Variants in MATN2 observed in about 807,000 individuals in gnomAD.
MATN2 encodes matrilin-2.
Under a neutral mutation model 103.2 loss-of-function variants are expected in MATN2, and 69 were observed. The observed-to-expected ratio is 0.67, with a 90% CI of 0.55 to 0.82. The LOEUF is 0.82. Ranked by LOEUF, MATN2 falls within the 40% of genes least tolerant of loss-of-function variation. MATN2 has a pLI of 0.00. For synonymous variants in MATN2, 429 were observed against 450.2 expected (o/e 0.95, Z 0.60); for missense variants, 1,023 against 1,211.5 (o/e 0.84, Z 2.31).
At chr8:97,871,328 G>A (rs560462489) in intron 1 of MATN2, among the ~76,000 whole-genome samples, 1 of 152,336 alleles carries the variant, frequency 6.6e-6, no homozygotes, top group East Asian at 1.9e-4. Context: ...AAAAGGGGGA[G>A]AGACCGGCTT....
At position 97,888,262 on chromosome 8, in the gene MATN2, C is replaced by T. The variant is rs946341581; in HGVS notation, c.142+20C>T. On this transcript the variant is annotated intron_variant, in intron 2 of 18. Coordinates refer to ENST00000254898, the MANE Select transcript of MATN2 (RefSeq NM_002380.5). ...TTCTGGGTGAGTGGTGGTGCTCACC[C>T]CCAAAAGTGGGCAGGTGGGGGTGGT... 3.3e-6 allele frequency: 5 copies of T among 1,514,910 alleles called. No individual in the cohort carries two copies. The African/African-American group carries it at 4.2e-5, about 13-fold the overall frequency. 93.8% of individuals were successfully genotyped at this position (1,514,910 alleles called of 1,614,324 possible).
intron 1 of MATN2, among the ~76,000 whole-genome samples, chr8:97,879,392 G>A (rs1290665906): frequency 6.6e-6 from 1 of 152,230 alleles, no homozygotes; most frequent in African/African-American, 2.4e-5. Context: ...GGCCAGTCAA[G>A]GAGGGCCTTG....
At chr8:98,011,340 G>T (rs1813153431) in intron 10 of MATN2, among the ~76,000 whole-genome samples, 1 of 152,160 alleles carries the variant, frequency 6.6e-6, no homozygotes. Context: ...GGGAGTAGGG[G>T]GAGGGGACCA....
Position 97,978,904 on chromosome 8 carries a change from C to T in MATN2, c.977C>T (p.Ser326Leu). ...TCTCCAGCTGTGGACTACTGTGCCT[C>T]AGAAAACCACGGATGTGAACATGAG... ...KRCVAVDYCA[S>L]ENHGCEHECV... The change falls in exon 6 of 19, where the codon TCA (serine) becomes TTA (leucine). Residue 326 changes from serine (S) to leucine (L), a missense_variant. Transcript: ENST00000254898. 6.2e-7 allele frequency: 1 copy of T among 1,613,896 alleles called. No homozygotes were observed. The highest frequency in any genetic ancestry group is 1.1e-5 in the South Asian group (1 of 91,080).
rs58985201 is a variant in MATN2, at chr8:97,992,745, C to CAAAAAAAA, written c.1082-1717_1082-1710dup. 6.3e-3 allele frequency among the ~76,000 whole-genome samples: 313 copies of CAAAAAAAA among 49,564 alleles called. 28 individuals are homozygous for CAAAAAAAA. The highest frequency in any genetic ancestry group is 0.027 in the African/African-American group (300 of 11,006). 32.5% of individuals were successfully genotyped at this position (49,564 alleles called of 152,430 possible). A position where few individuals can be genotyped will look rare whatever the true frequency, so the allele number is the denominator to read the frequency against. On this transcript the variant is annotated intron_variant, in intron 6 of 18. Transcript: ENST00000254898. ...TGGGTGTTAGAGTGAGACTCCATCT[C>CAAAAAAAA]AAAAAAAAAAAAAAAAAAAAAAAAA...
intron 3 of MATN2, among the ~76,000 whole-genome samples, chr8:97,932,708 C>T (rs776470504): frequency 2.6e-5 from 4 of 152,168 alleles, no homozygotes; most frequent in Admixed American, 2.0e-4. Flanking sequence ...GGGGGCCAGC[C>T]GCCCAATCCA....
In MATN2 at chr8:98,032,322, A is replaced by G; in HGVS notation, c.2581+5A>G. 6.2e-7 allele frequency: 1 copy of G among 1,606,320 alleles called. No individual in the cohort carries two copies. The highest frequency in any genetic ancestry group is 8.5e-7 in the Non-Finnish European group (1 of 1,176,026). On this transcript the variant is annotated splice_donor_5th_base_variant and intron_variant, in intron 16 of 18. Coordinates refer to ENST00000254898, the MANE Select transcript of MATN2 (RefSeq NM_002380.5). ...AAACGGTCCAACAGCCAACAGGTAC[A>G]GTTTTTAAGGCAGTGTTTTTAGAAA... is the stretch of plus-strand genomic sequence containing the variant.
In MATN2 at chr8:98,030,555, C is replaced by G. The variant is rs962906360; in HGVS notation, c.2450C>G (p.Ala817Gly). The change falls in exon 15 of 19, where the codon GCC (alanine) becomes GGC (glycine). Residue 817 changes from alanine (A) to glycine (G), a missense_variant. By Grantham distance (60) the Ala-to-Gly change is moderately conservative. Transcript: ENST00000254898. Reference protein sequence around the residue: ...SEPTNKHLFYAEDFSTMDEIS... With the variant: ...SEPTNKHLFYGEDFSTMDEIS... ...CCCACAAACAAGCATCTCTTCTATGCCGAAGACTTCAGCACAATGGATGAG... is the reference window on the plus strand; with the variant it reads ...CCCACAAACAAGCATCTCTTCTATGGCGAAGACTTCAGCACAATGGATGAG... 2 of 1,613,776 alleles carry G rather than the reference C, an allele frequency of 1.2e-6. No homozygotes were observed. Among genetic ancestry groups the G allele is most frequent in the African/African-American group, 2.7e-5 (2 of 74,918 alleles).
At position 98,035,664 on chromosome 8, in the gene MATN2, A is replaced by T; in HGVS notation, c.2823A>T (p.Glu941Asp). The T allele has an allele frequency of 6.3e-7, 1 of 1,581,872 alleles. No homozygotes were observed. The highest frequency in any genetic ancestry group is 1.7e-5 in the Admixed American group (1 of 58,394). ...EVRKLTQRLE[E>D]MTQRMEALEN... Reference sequence around the variant, plus strand: ...CCTTAATTTGAGATTTACTAGAAGAAATGACACAGAGAATGGAAGCCCTGG... The same window carrying T: ...CCTTAATTTGAGATTTACTAGAAGATATGACACAGAGAATGGAAGCCCTGG... Residue 941 changes from glutamate to aspartate, a missense_variant, in exon 19 of 19, where the codon GAA (glutamate) becomes GAT (aspartate). Transcript: ENST00000254898.
At chr8:97,920,981 C>G (rs1361396031) in intron 2 of MATN2, among the ~76,000 whole-genome samples, 2 of 152,102 alleles carry the variant, frequency 1.3e-5, no homozygotes, top group African/African-American at 4.8e-5. Flanking sequence ...CATCCTGGCT[C>G]CATATTTTAT....
rs1813578833 is a variant in MATN2 at position 98,021,225 on chromosome 8, A to G, written c.1840A>G (p.Thr614Ala). 6.2e-7 allele frequency: 1 copy of G among 1,613,580 alleles called. No homozygotes were observed. Among genetic ancestry groups the G allele is most frequent in the Non-Finnish European group, 8.5e-7 (1 of 1,179,580 alleles). ...CTCAGGGAAGGATGTCTGCAAATCA[A>G]CCCACCATGGCTGCGAACACATTTG... ...RCRRKDVCKS[T>A]HHGCEHICVN... The change falls in exon 13 of 19, where the codon ACC (threonine) becomes GCC (alanine). Residue 614 changes from threonine (T) to alanine (A), a missense_variant. Transcript: ENST00000254898.
intron 1 of MATN2, among the ~76,000 whole-genome samples, chr8:97,877,006 CTTTT>C (rs33986645): frequency 4.3e-5 from 5 of 117,164 alleles, no homozygotes; most frequent in Admixed American, 1.8e-4. Context: ...ATTCACACTT[CTTTT>C]TTTTTTTTTT....
chr8:97,991,692 A>C (rs922092473), intron 6 of MATN2, among the ~76,000 whole-genome samples: 1 of 151,334 alleles, frequency 6.6e-6, no homozygotes, highest in South Asian at 2.1e-4. Flanking sequence ...ACTGCACTCC[A>C]CCCTGGGCAG....
intron 2 of MATN2, among the ~76,000 whole-genome samples, chr8:97,892,831 T>A (rs1006691154): frequency 1.3e-5 from 2 of 152,090 alleles, no homozygotes; most frequent in African/African-American, 4.8e-5. Context: ...CCCCTAGAAT[T>A]CCCCAAACTA....
At chr8:97,887,352 C>T (rs1818471774) in intron 1 of MATN2, among the ~76,000 whole-genome samples, 1 of 152,078 alleles carries the variant, frequency 6.6e-6, no homozygotes, top group Non-Finnish European at 1.5e-5. Flanking sequence ...CTAGACTTGA[C>T]CCTGGGTTTG....
intron 2 of MATN2, among the ~76,000 whole-genome samples, chr8:97,903,949 G>T (rs1819077429): frequency 1.3e-5 from 2 of 152,224 alleles, no homozygotes; most frequent in African/African-American, 4.8e-5. Context: ...TATATGGATA[G>T]ATTTTCTAGT....
In MATN2 at chr8:98,035,655, A is replaced by C; in HGVS notation, c.2816-2A>C. On this transcript the variant is annotated splice_acceptor_variant, in intron 18 of 18. Transcript: ENST00000254898. LOFTEE classifies it high-confidence loss of function. ...CTTCATCTTCCTTAATTTGAGATTT[A>C]CTAGAAGAAATGACACAGAGAATGG... 2 of 1,560,832 alleles carry C rather than the reference A, an allele frequency of 1.3e-6. No homozygotes were observed. Among genetic ancestry groups the C allele is most frequent in the African/African-American group, 1.4e-5 (1 of 73,980 alleles).
chr8:97,991,954 A>G (rs750686868), intron 6 of MATN2, among the ~76,000 whole-genome samples: 1 of 152,228 alleles, frequency 6.6e-6, no homozygotes, highest in Non-Finnish European at 1.5e-5. Flanking sequence ...CTAAGCAGAT[A>G]TGAAAACGAG....
At chr8:97,926,004 G>A (rs1427634974) in intron 2 of MATN2, among the ~76,000 whole-genome samples, 1 of 152,224 alleles carries the variant, frequency 6.6e-6, no homozygotes, top group Non-Finnish European at 1.5e-5. Flanking sequence ...TAGTTCTGAT[G>A]TTGCACATTG....
Sources: gnomAD v4.1 joint callset for allele counts (sites outside exome capture counted in the v4.1 genomes callset) on GRCh38, gnomAD v4.1.1 for gene constraint, MANE v1.5 for transcripts, NCBI Gene and HGNC (gene_info 2026-07-23, HGNC 2026-07-21) for gene names.